The following USP40 variants were observed in gnomAD, a reference collection of about 807,000 sequenced individuals.
USP40 encodes ubiquitin carboxyl-terminal hydrolase 40.
Under a neutral mutation model 166.2 loss-of-function variants are expected in USP40, and 143 were observed. The observed-to-expected ratio is 0.86, with a 90% CI of 0.75 to 0.99. USP40 has a LOEUF of 0.99. Ranked by LOEUF, USP40 falls within the 50% of genes least tolerant of loss-of-function variation. The pLI, the probability that USP40 is intolerant of heterozygous loss-of-function variation, is 0.00. For synonymous variants in USP40, 498 were observed against 524.0 expected, an observed-to-expected ratio of 0.95 and a Z score of 0.68; for missense variants, 1,444 against 1,479.7, an observed-to-expected ratio of 0.98 and a Z score of 0.40.
chr2:233,491,033 A>G (rs1315835069), intron 26 of USP40, 134 bp downstream of exon 26: 1 of 795,856 alleles, frequency 1.3e-6, no homozygotes, highest in East Asian at 2.7e-5. Flanking sequence ...GGTACTTACC[A>G]CTGAACATGG....
intron 21 of USP40, among the ~76,000 whole-genome samples, chr2:233,502,106 C>T (rs1044665900): frequency 3.3e-5 from 5 of 152,144 alleles, no homozygotes; most frequent in African/African-American, 1.2e-4. Context: ...CCACTAATGA[C>T]CCTGACATAA....
chr2:233,504,910 T>G (rs1195392303), intron 21 of USP40, among the ~76,000 whole-genome samples: 1 of 152,102 alleles, frequency 6.6e-6, no homozygotes, highest in Non-Finnish European at 1.5e-5. Context: ...TACACATTCT[T>G]GTCAACTGCA....
chr2:233,533,476 T>C lies in USP40; in HGVS notation c.1471+3A>G, dbSNP rs2068701138. 4 of 1,606,690 alleles carry C rather than the reference T, an allele frequency of 2.5e-6. No homozygotes were observed. The highest frequency in any genetic ancestry group is 1.3e-5 in the African/African-American group (1 of 74,580). On this transcript the variant is annotated splice_donor_region_variant and intron_variant, in intron 11 of 31. Coordinates refer to ENST00000678225, the MANE Select transcript of USP40 (RefSeq NM_001365479.2). ...ACAAATAGGAACATTTTTCTTTCCA[T>C]ACCTTCAGGGGGTCTCTGCAACTGG...
chr2:233,531,914 T>G (rs1451450347), intron 11 of USP40, among the ~76,000 whole-genome samples: 1 of 152,106 alleles, frequency 6.6e-6, no homozygotes, highest in Non-Finnish European at 1.5e-5. Context: ...GAGAATAGGG[T>G]CTGGAGACAG....
At chr2:233,533,185 T>C (rs1241673177) in intron 11 of USP40, among the ~76,000 whole-genome samples, 2 of 152,136 alleles carry the variant, frequency 1.3e-5, no homozygotes, top group African/African-American at 4.8e-5. Context: ...GCAATCGCAC[T>C]CAAGTTTGCC....
In USP40 at chr2:233,549,419, C is replaced by T. The variant is rs116105365; in HGVS notation, c.838-190G>A. ...AATTAATTGATCTAATGGCCAGTCA[C>T]ACTACACCAATCAAATTCTGCCTCT... On this transcript the variant is annotated intron_variant, in intron 7 of 31. Transcript: ENST00000678225. Among the ~76,000 whole-genome samples the T allele has an allele frequency of 4.7e-3, 720 of 152,154 alleles. 8 individuals carry two copies. The highest frequency in any genetic ancestry group is 0.016 in the African/African-American group (672 of 41,532).
chr2:233,478,621 A>G (rs1336362816), intron 31 of USP40, among the ~76,000 whole-genome samples: 1 of 152,212 alleles, frequency 6.6e-6, no homozygotes, highest in Non-Finnish European at 1.5e-5. Flanking sequence ...CTGTACTGCA[A>G]AATGGTGAAT....
chr2:233,556,033 G>A (rs541873626), intron 5 of USP40, among the ~76,000 whole-genome samples: 10 of 151,044 alleles, frequency 6.6e-5, no homozygotes, highest in Admixed American at 2.0e-4. Context: ...GGAGAATGGC[G>A]TGAACCCGGG....
intron 25 of USP40, 113 bp from the exon 26 acceptor site, chr2:233,491,374 A>G (rs1333367896): frequency 1.1e-4 from 88 of 804,124 alleles, no homozygotes; most frequent in Non-Finnish European, 1.6e-4. Flanking sequence ...TCCACTCAAG[A>G]GCCTCTGCAT....
rs376289973 is a variant in USP40 at position 233,551,507 on chromosome 2, G to T, written c.706C>A (p.Arg236Ser). 9 of 1,594,788 alleles carry T rather than the reference G, an allele frequency of 5.6e-6. No homozygotes were observed. The African/African-American group carries it at 1.2e-4, about 22-fold the overall frequency. Reference sequence around the variant, plus strand: ...ACAGTAAGAAAAGGAGGCAGCTTACGTAATTTGGCCGACTGTTAAAAGAAA... The same window carrying T: ...ACAGTAAGAAAAGGAGGCAGCTTACTTAATTTGGCCGACTGTTAAAAGAAA... Reference protein sequence around the residue: ...LVKAAKSAKLRKLPPFLTVSL... With the variant: ...LVKAAKSAKLSKLPPFLTVSL... Residue 236 changes from arginine to serine, a missense_variant, in exon 7 of 32, where the codon CGT becomes AGT. Coordinates refer to ENST00000678225, the MANE Select transcript of USP40 (RefSeq NM_001365479.2).
intron 30 of USP40, 123 bp downstream of exon 30, chr2:233,485,408 T>C (rs1029152614): frequency 1.2e-6 from 1 of 816,916 alleles, no homozygotes; most frequent in South Asian, 1.9e-5. Flanking sequence ...TTTTATCCAT[T>C]CTCTGAAACA....
rs373950047 is a variant in USP40 at position 233,480,554 on chromosome 2, T to C, written c.3599+649A>G. On this transcript the variant is annotated intron_variant, in intron 31 of 31. Coordinates refer to ENST00000678225, the MANE Select transcript of USP40 (RefSeq NM_001365479.2). The surrounding 1 kb of genome is among the most constrained non-coding windows in gnomAD (Gnocchi z 4.5). ...TGGGCACAGAGCCTGTGGCTTGGCC[T>C]GACTGCAAGCAGCACCTGCTTCCTC... is the stretch of plus-strand genomic sequence containing the variant. Among the ~76,000 whole-genome samples the C allele has an allele frequency of 3.3e-5, 5 of 152,340 alleles. No homozygotes were observed. The East Asian group carries it at 9.6e-4, about 29-fold the overall frequency.
chr2:233,500,905 T>C (rs2066034042), intron 21 of USP40, among the ~76,000 whole-genome samples: 2 of 152,196 alleles, frequency 1.3e-5, no homozygotes, highest in South Asian at 2.1e-4. Flanking sequence ...GTGGATAAGA[T>C]GATGTTATCT....
intron 7 of USP40, among the ~76,000 whole-genome samples, chr2:233,549,682 C>G (rs1431482966): frequency 6.6e-6 from 1 of 151,908 alleles, no homozygotes; most frequent in African/African-American, 2.4e-5. Context: ...AAATTGTCCT[C>G]TATTTCAACT....
At chr2:233,477,615 T>A in intron 31 of USP40, 112 bp from the exon 32 acceptor site, 2 of 907,718 alleles carry the variant, frequency 2.2e-6, no homozygotes, top group South Asian at 1.5e-5. Flanking sequence ...AGGACGTGCA[T>A]TTGCAATTGC....
At chr2:233,525,350 G>GA in intron 14 of USP40, 128 bp downstream of exon 14, 1 of 571,896 alleles carries the variant, frequency 1.7e-6, no homozygotes. Flanking sequence ...CTTACAGTGT[G>GA]AAGATAATCT....
At chr2:233,531,810 G>A (rs1293083614) in intron 11 of USP40, among the ~76,000 whole-genome samples, 1 of 152,134 alleles carries the variant, frequency 6.6e-6, no homozygotes, top group African/African-American at 2.4e-5. Flanking sequence ...AATCTATAAA[G>A]CTTTTCTCAC....
At chr2:233,513,885 A>G (rs1175936284) in intron 18 of USP40, among the ~76,000 whole-genome samples, 1 of 152,206 alleles carries the variant, frequency 6.6e-6, no homozygotes, top group African/African-American at 2.4e-5. Flanking sequence ...TGTTCTGTAT[A>G]GACAACAATA....
At chr2:233,489,223 T>C in intron 27 of USP40, 142 bp downstream of exon 27, 1 of 748,652 alleles carries the variant, frequency 1.3e-6, no homozygotes, top group Non-Finnish European at 2.3e-6. Flanking sequence ...ATGAAAAGTG[T>C]CACCCAAGTC....
Sources: allele counts gnomAD v4.1 joint callset (sites outside exome capture counted in the v4.1 genomes callset), GRCh38; gene constraint gnomAD v4.1.1; non-coding constraint Gnocchi (gnomAD v3.1); transcripts MANE v1.5; gene names NCBI Gene and HGNC (gene_info 2026-07-23, HGNC 2026-07-21).